Variants in RIMBP2 observed in about 807,000 individuals in gnomAD.
RIMBP2 encodes RIMS-binding protein 2.
Under a neutral mutation model 118.6 loss-of-function variants are expected in RIMBP2, and 48 were observed. The observed-to-expected ratio is 0.40, with a 90% CI of 0.32 to 0.51. The LOEUF (loss-of-function observed/expected upper bound fraction) is 0.51. Among genes scored for constraint, RIMBP2 ranks in the 20% least tolerant of loss-of-function variants. RIMBP2 has a pLI of 0.41. For missense variants in RIMBP2, 1,551 were observed against 1,768.3 expected, an observed-to-expected ratio of 0.88 and a Z score of 2.20; for synonymous variants, 762 against 742.9, an observed-to-expected ratio of 1.03 and a Z score of -0.42.
intron 6 of RIMBP2, 125 bp from the exon 7 acceptor site, chr12:130,456,825 G>A (rs111864216): frequency 1.2e-5 from 8 of 655,382 alleles, no homozygotes; most frequent in African/African-American, 5.4e-5. Flanking sequence ...CACACGTGTT[G>A]TGTCTGTGAA....
At position 130,550,520 on chromosome 12, in the gene RIMBP2, C is replaced by T. The variant is rs575714785; in HGVS notation, c.-216-32603G>A. Among the ~76,000 whole-genome samples the T allele has an allele frequency of 3.3e-5, 5 of 152,206 alleles. No homozygotes were observed. In the South Asian group the frequency reaches 1.0e-3, roughly 32 times the overall value. ...GGTGTCCAGGCTGTGGTCATGGTAC[C>T]ACGGTGGTGAATGATGTTTCCACTG... On this transcript the variant is annotated intron_variant, in intron 2 of 22. Coordinates refer to ENST00000690449, the MANE Select transcript of RIMBP2 (RefSeq NM_001393629.1).
chr12:130,543,031 C>T (rs918483776), intron 2 of RIMBP2, among the ~76,000 whole-genome samples: 3 of 152,278 alleles, frequency 2.0e-5, no homozygotes, highest in South Asian at 2.1e-4. Flanking sequence ...TTGCCCTTCC[C>T]GTCTCTCAGG....
At chr12:130,513,510 G>A (rs1196407061) in intron 3 of RIMBP2, among the ~76,000 whole-genome samples, 4 of 14,134 alleles carry the variant, frequency 2.8e-4, no homozygotes, top group African/African-American at 4.1e-4. Context: ...GGCCCAGTGC[G>A]GGGAGGAGGG....
At chr12:130,510,393 A>C (rs1349036773) in intron 3 of RIMBP2, among the ~76,000 whole-genome samples, 1 of 151,574 alleles carries the variant, frequency 6.6e-6, no homozygotes, top group African/African-American at 2.4e-5. Context: ...TAAGCAAAGT[A>C]AAAGGAAAGA....
At chr12:130,646,827 CA>C (rs1352337382) in intron 1 of RIMBP2, among the ~76,000 whole-genome samples, 3 of 152,244 alleles carry the variant, frequency 2.0e-5, no homozygotes, top group African/African-American at 7.2e-5. Context: ...GCTGAGAACC[CA>C]GCAGTTCAGA....
At chr12:130,480,658 T>A (rs1185558528) in intron 4 of RIMBP2, among the ~76,000 whole-genome samples, 2 of 152,130 alleles carry the variant, frequency 1.3e-5, no homozygotes, top group Non-Finnish European at 2.9e-5. Context: ...TGGAGTACAG[T>A]GGCAGGATCT....
intron 4 of RIMBP2, among the ~76,000 whole-genome samples, chr12:130,505,812 C>T (rs1286511383): frequency 2.1e-4 from 1 of 4,804 alleles, no homozygotes; most frequent in African/African-American, 1.2e-3. Context: ...AGGGGTCACT[C>T]CTCATCCCCA....
intron 1 of RIMBP2, among the ~76,000 whole-genome samples, chr12:130,680,630 A>G (rs1315944940): frequency 6.6e-6 from 1 of 152,188 alleles, no homozygotes; most frequent in Non-Finnish European, 1.5e-5. Flanking sequence ...CCACTCATAC[A>G]CACAGGAAGC....
At chr12:130,426,281 A>T (rs375314271) in intron 15 of RIMBP2, 7 of 140,762 alleles carry the variant, frequency 5.0e-5, no homozygotes, top group South Asian at 2.3e-4. Context: ...CATGATTTCT[A>T]TTTTTTTTTT....
intron 2 of RIMBP2, among the ~76,000 whole-genome samples, chr12:130,575,711 T>C (rs2058039570): frequency 6.6e-6 from 1 of 152,040 alleles, no homozygotes; most frequent in Non-Finnish European, 1.5e-5. Context: ...CAAAGCACCA[T>C]GAAGGGGATG....
intron 2 of RIMBP2, among the ~76,000 whole-genome samples, chr12:130,527,363 T>G (rs75584567): frequency 6.6e-6 from 1 of 152,170 alleles, no homozygotes; most frequent in Non-Finnish European, 1.5e-5. Context: ...ACTCCAAACT[T>G]CTCAGTTCCC....
rs145750382 is a variant in RIMBP2 at position 130,507,790 on chromosome 12, G to C, written c.-126-1020C>G. On this transcript the variant is annotated intron_variant, in intron 3 of 22. Coordinates refer to ENST00000690449, the MANE Select transcript of RIMBP2 (RefSeq NM_001393629.1). The stretch of plus-strand genomic sequence containing the variant: ...TGTAATTTCTTTTCCTCCTCCTCAA[G>C]TGTTATGATGTGAATTATGGCTTCA... 4.3e-4 allele frequency among the ~76,000 whole-genome samples: 65 copies of C among 152,308 alleles called. 1 individual carries two copies. Among genetic ancestry groups the C allele is most frequent in the African/African-American group, 1.5e-3 (61 of 41,556 alleles).
chr12:130,485,196 T>C (rs186400517), intron 4 of RIMBP2, among the ~76,000 whole-genome samples: 25 of 152,286 alleles, frequency 1.6e-4, no homozygotes, highest in African/African-American at 5.5e-4. Flanking sequence ...AAAATGACGG[T>C]GAGAAATCGG....
intron 7 of RIMBP2, among the ~76,000 whole-genome samples, chr12:130,454,612 G>A (rs2079264343): frequency 6.6e-6 from 1 of 152,290 alleles, no homozygotes; most frequent in Non-Finnish European, 1.5e-5. Context: ...CTTCCAGACA[G>A]TTGTTAAACA....
In RIMBP2 at chr12:130,428,302, C is replaced by G. The variant is rs2076924606; in HGVS notation, c.2289G>C (p.Glu763Asp). ...HCCHGDEYHT[E>D]SSRGSDLSDI... The stretch of plus-strand genomic sequence containing the variant: ...CTGAGAGGTCAGACCCCCGGCTGCT[C>G]TCTGTGTGGTACTCGTCTCCATGGC... Residue 763 changes from glutamate to aspartate, a missense_variant, in exon 15 of 23, where the codon GAG becomes GAC. By Grantham distance (45) the Glu-to-Asp change is conservative (BLOSUM62 2). Coordinates refer to ENST00000690449, the MANE Select transcript of RIMBP2 (RefSeq NM_001393629.1). 2 of 1,612,794 alleles carry G rather than the reference C, an allele frequency of 1.2e-6. No individual in the cohort carries two copies. The highest frequency in any genetic ancestry group is 1.7e-6 in the Non-Finnish European group (2 of 1,179,380).
chr12:130,399,091 C>A, intron 22 of RIMBP2: 2 of 1,312,534 alleles, frequency 1.5e-6, no homozygotes, highest in Non-Finnish European at 2.0e-6. Context: ...GTATCTTTAT[C>A]GGTATCTTCA....
At chr12:130,507,525 A>G (rs1332568594) in intron 3 of RIMBP2, among the ~76,000 whole-genome samples, 2 of 152,234 alleles carry the variant, frequency 1.3e-5, no homozygotes, top group African/African-American at 2.4e-5. Context: ...AAAAATGCCA[A>G]TGAAATTCCA....
intron 2 of RIMBP2, among the ~76,000 whole-genome samples, chr12:130,560,541 C>G (rs746253929): frequency 1.3e-5 from 2 of 152,152 alleles, no homozygotes; most frequent in Non-Finnish European, 2.9e-5. Context: ...CACTCCCATC[C>G]GCTTTGAGAT....
rs150976406 is a variant in RIMBP2, at chr12:130,566,085, C to T, written c.-216-48168G>A. Among the ~76,000 whole-genome samples the T allele has an allele frequency of 4.4e-3, 667 of 152,264 alleles. 5 individuals are homozygous for T. The highest frequency in any genetic ancestry group is 0.015 in the African/African-American group (623 of 41,546). On this transcript the variant is annotated intron_variant, in intron 2 of 22. Coordinates refer to ENST00000690449, the MANE Select transcript of RIMBP2 (RefSeq NM_001393629.1). ...TAATCTGCCTGCCCAAGGTCAAAGG[C>T]TGTAATCTGCCAGCCCATAGGCTGA...
Sources: gnomAD v4.1 joint callset for allele counts (sites outside exome capture counted in the v4.1 genomes callset) on GRCh38, gnomAD v4.1.1 for gene constraint, MANE v1.5 for transcripts, NCBI Gene and HGNC (gene_info 2026-07-23, HGNC 2026-07-21) for gene names.